The following FAM83H variants were observed in gnomAD, a reference collection of about 807,000 sequenced individuals.
The protein encoded by FAM83H is scaffolding CK1 anchoring protein H.
FAM83H carries 24 observed loss-of-function variants against 30.2 expected under a neutral mutation model. The ratio of observed to expected loss-of-function variants is 0.79; its 90% CI spans 0.57 to 1.12. FAM83H has a LOEUF of 1.12. FAM83H is among the 50% of genes most tolerant of loss of function. The pLI, the probability that FAM83H is intolerant of heterozygous loss-of-function variation, is 0.00. For missense variants in FAM83H, 2,038 were observed against 1,773.9 expected (o/e 1.15, Z -2.67); for synonymous variants, 1,013 against 821.7 (o/e 1.23, Z -3.98).
rs782092983 is a variant in FAM83H, at chr8:143,730,132, G to C, written c.447+4C>G. ...CCACTACCCTCAAGCCCAAGATGGC[G>C]CACCTGCTGGGCGGAACGGATCATC... On this transcript the variant is annotated splice_donor_region_variant and intron_variant, in intron 2 of 4. Coordinates refer to ENST00000388913, the MANE Select transcript of FAM83H (RefSeq NM_198488.5). 1 of 1,547,552 alleles carries C rather than the reference G, an allele frequency of 6.5e-7. No homozygotes were observed. The highest frequency in any genetic ancestry group is 1.9e-5 in the Admixed American group (1 of 53,572).
At position 143,726,324 on chromosome 8, in the gene FAM83H, T is replaced by C. The variant is rs1554621708; in HGVS notation, c.3137A>G (p.Gln1046Arg). 4.3e-6 allele frequency: 7 copies of C among 1,612,270 alleles called. No homozygotes were observed. Among genetic ancestry groups the C allele is most frequent in the Non-Finnish European group, 5.1e-6 (6 of 1,179,750 alleles). ...LRDDTKAILE[Q>R]ISAHGQKHRA... ...GTGCTTCTGGCCGTGGGCACTGATC[T>C]GCTCCAGAATGGCCTTCGTGTCATC... is the stretch of plus-strand genomic sequence containing the variant. Residue 1046 changes from glutamine to arginine, a missense_variant, in exon 5 of 5, where the codon CAG becomes CGG. Physicochemically the swap from Gln to Arg is conservative, Grantham distance 43. Coordinates refer to ENST00000388913, the MANE Select transcript of FAM83H (RefSeq NM_198488.5).
chr8:143,726,070 G>C lies in FAM83H; in HGVS notation c.3391C>G (p.Arg1131Gly). The C allele has an allele frequency of 1.2e-6, 2 of 1,612,016 alleles. No individual in the cohort carries two copies. Among genetic ancestry groups the C allele is most frequent in the Non-Finnish European group, 1.7e-6 (2 of 1,179,664 alleles). ...AAGACCTCGAAGCGGCTGTACACGC[G>C]CTTCTCCTTGCGCATGCTCTCCATG... The part of the protein sequence containing the change: ...RRMESMRKEK[R>G]VYSRFEVFCK... Residue 1131 changes from arginine (R) to glycine (G), a missense_variant, in exon 5 of 5, where the codon CGC becomes GGC. Coordinates refer to ENST00000388913, the MANE Select transcript of FAM83H (RefSeq NM_198488.5).
Position 143,725,156 on chromosome 8 carries a change from C to CGGGGGGGGGGGGGGGGG in FAM83H, c.*748_*764dup, listed in dbSNP as rs549881150. On this transcript the variant is annotated 3_prime_UTR_variant, in exon 5 of 5. Transcript: ENST00000388913. ...AAGCCCAGGCGGGGGAGGGGGGAGA[C>CGGGGGGGGGGGGGGGGG]GGGGGGGGGGGGGGGGGAGGGAAGG... 6 of 37,566 alleles carry CGGGGGGGGGGGGGGGGG rather than the reference C, an allele frequency of 1.6e-4. 2 individuals are homozygous for CGGGGGGGGGGGGGGGGG. Among genetic ancestry groups the CGGGGGGGGGGGGGGGGG allele is most frequent in the Admixed American group, 2.4e-4 (1 of 4,224 alleles). 2.3% of individuals were successfully genotyped at this position (37,566 alleles called of 1,614,324 possible). A position where few individuals can be genotyped will look rare whatever the true frequency, so the allele number is the denominator to read the frequency against.
Position 143,726,141 on chromosome 8 carries a change from C to A in FAM83H, c.3320G>T (p.Arg1107Leu). 1 of 1,611,292 alleles carries A rather than the reference C, an allele frequency of 6.2e-7. No individual in the cohort carries two copies. Among genetic ancestry groups the A allele is most frequent in the Non-Finnish European group, 8.5e-7 (1 of 1,179,280 alleles). ...DSLGTQGRLS[R>L]TLPASAEERD... ...CTCCTCCGCGCTGGCTGGCAGCGTG[C>A]GGCTCAGCCGGCCCTGGGTCCCCAA... Residue 1107 changes from arginine to leucine, a missense_variant, in exon 5 of 5, where the codon CGC becomes CTC. Transcript: ENST00000388913.
chr8:143,730,631 G>A (rs1554624284), intron 1 of FAM83H, 34 bp from the exon 2 acceptor site: 2 of 1,417,832 alleles, frequency 1.4e-6, no homozygotes, highest in African/African-American at 2.9e-5. Context: ...ACTAGGGGTG[G>A]GGGCACTGGG....
In FAM83H at chr8:143,728,451, C is replaced by A. The variant is rs1554623400; in HGVS notation, c.1010G>T (p.Gly337Val). 3.9e-6 allele frequency: 6 copies of A among 1,551,246 alleles called. No homozygotes were observed. In the East Asian group the frequency reaches 1.2e-4, roughly 31 times the overall value. Residue 337 changes from glycine to valine, a missense_variant, in exon 5 of 5, where the codon GGC becomes GTC. By Grantham distance (109) the Gly-to-Val change is moderately radical (BLOSUM62 -3). Coordinates refer to ENST00000388913, the MANE Select transcript of FAM83H (RefSeq NM_198488.5). ...HLLFPPPREEGLGFPSFLDPD... is the reference protein window; with the variant it reads ...HLLFPPPREEVLGFPSFLDPD... ...GTCGAGGAAGGAGGGGAAGCCCAGG[C>A]CCTCTTCCCGGGGTGGCGGGAACAG...
chr8:143,730,772 G>A (rs1422622330), intron 1 of FAM83H, among the ~76,000 whole-genome samples, 175 bp from the exon 2 acceptor site: 1 of 152,166 alleles, frequency 6.6e-6, no homozygotes, highest in Non-Finnish European at 1.5e-5. Flanking sequence ...GAGCAACCCA[G>A]ACCCTAGGAT....
In FAM83H at chr8:143,726,253, C is replaced by G; in HGVS notation, c.3208G>C (p.Glu1070Gln). The change falls in exon 5 of 5, where the codon GAG becomes CAG. Residue 1070 changes from glutamate to glutamine, a missense_variant. Glu to Gln is a conservative substitution (Grantham distance 29, BLOSUM62 2). Coordinates refer to ENST00000388913, the MANE Select transcript of FAM83H (RefSeq NM_198488.5). ...PSPGPTHNSP[E>Q]LGRPPAAGVL... ...CCAGCAGCCGGTGGACGGCCTAGCT[C>G]GGGGCTGTTGTGGGTCGGGCCGGGG... The G allele has an allele frequency of 6.2e-7, 1 of 1,612,252 alleles. No individual in the cohort carries two copies.
intron 1 of FAM83H, chr8:143,731,457 G>T (rs1818518992): frequency 1.0e-6 from 1 of 985,234 alleles, no homozygotes; most frequent in Non-Finnish European, 1.2e-6. Context: ...CATAGTCCCG[G>T]GCCACACCTC....
At chr8:143,729,458 T>C in intron 2 of FAM83H, 135 bp from the exon 3 acceptor site, 1 of 969,982 alleles carries the variant, frequency 1.0e-6, no homozygotes, top group Non-Finnish European at 1.6e-6. Flanking sequence ...CCTAGGGAGT[T>C]GGCGCCACAT....
rs1554621939 is a variant in FAM83H, at chr8:143,726,612, G to C, written c.2849C>G (p.Pro950Arg). 1 of 1,600,522 alleles carries C rather than the reference G, an allele frequency of 6.2e-7. No individual in the cohort carries two copies. The highest frequency in any genetic ancestry group is 1.1e-5 in the South Asian group (1 of 90,722). Residue 950 changes from proline to arginine, a missense_variant, in exon 5 of 5, where the codon CCC (proline) becomes CGC (arginine). Pro to Arg is a moderately radical substitution (Grantham distance 103). Coordinates refer to ENST00000388913, the MANE Select transcript of FAM83H (RefSeq NM_198488.5). ...GGGGCCGCTCGGCCCCTCCTCCGCG[G>C]GCCCGGCCTTCGGGGACTCCCCGGA... ...TISGESPKAGPAEEGPSGPME... is the reference protein window; with the variant it reads ...TISGESPKAGRAEEGPSGPME...
At position 143,726,370 on chromosome 8, in the gene FAM83H, A is replaced by G. The variant is rs1818292417; in HGVS notation, c.3091T>C (p.Leu1031=). 5.6e-6 allele frequency: 9 copies of G among 1,611,166 alleles called. No individual in the cohort carries two copies. The highest frequency in any genetic ancestry group is 6.8e-6 in the Non-Finnish European group (8 of 1,179,554). ...ARLSSATANA[L]YSSNLRDDTK... is the part of the protein sequence containing the mutation. The stretch of plus-strand genomic sequence containing the variant: ...TCATCCCGAAGGTTGCTGCTGTACA[A>G]GGCGTTGGCCGTGGCTGAGGACAGG... Residue 1031 remains leucine, a synonymous_variant, in exon 5 of 5, where the codon TTG becomes CTG. Coordinates refer to ENST00000388913, the MANE Select transcript of FAM83H (RefSeq NM_198488.5).
In FAM83H at chr8:143,724,153, A is replaced by G. The variant is rs1271848402; in HGVS notation, c.*1768T>C. ...TCATGGCCAAGAGACGCACAGGCGC[A>G]TCCCGCTTCCAGGCACCTTTCCCAC... On this transcript the variant is annotated 3_prime_UTR_variant, in exon 5 of 5. Transcript: ENST00000388913. 8 of 152,256 alleles carry G rather than the reference A, an allele frequency of 5.3e-5. No individual in the cohort carries two copies. Among genetic ancestry groups the G allele is most frequent in the African/African-American group, 1.9e-4 (8 of 41,446 alleles). The allele number at this position is 152,256 out of a possible 1,614,324, so 9.4% of individuals were successfully genotyped here.
chr8:143,727,661 T>C lies in FAM83H; in HGVS notation c.1800A>G (p.Leu600=), dbSNP rs1554622777. The C allele has an allele frequency of 1.9e-6, 3 of 1,572,550 alleles. No individual in the cohort carries two copies. The highest frequency in any genetic ancestry group is 1.1e-5 in the South Asian group (1 of 87,542). The change falls in exon 5 of 5, where the codon CTA becomes CTG. Residue 600 remains leucine, a synonymous_variant. Transcript: ENST00000388913. ...CHGEDGGDDG[L]PAPMEAEAYE... is the part of the protein sequence containing the mutation. Reference sequence around the variant, plus strand: ...AAGCCTCCGCTTCCATGGGCGCCGGTAGGCCGTCGTCGCCCCCATCCTCGC... The same window carrying C: ...AAGCCTCCGCTTCCATGGGCGCCGGCAGGCCGTCGTCGCCCCCATCCTCGC...
At position 143,727,008 on chromosome 8, in the gene FAM83H, TGCGCCGCGGTGA is replaced by T. The variant is rs782126115; in HGVS notation, c.2441_2452del (p.Leu814_Ala817del). 7.6e-6 allele frequency: 12 copies of T among 1,578,108 alleles called. No homozygotes were observed. In the South Asian group the frequency reaches 1.4e-4, roughly 18 times the overall value. On this transcript the variant is annotated inframe_deletion, in exon 5 of 5. Transcript: ENST00000388913. ...GCTCCGGCCCAGTGTGTCGAGCAGC[TGCGCCGCGGTGA>T]GCGACGCGGCTCCCGGCTGCCGCTC...
rs1213752752 is a variant in FAM83H, at chr8:143,726,977, G to A, written c.2484C>T (p.Ser828=). The change falls in exon 5 of 5, where the codon TCC becomes TCT. Residue 828 remains serine, a synonymous_variant. Coordinates refer to ENST00000388913, the MANE Select transcript of FAM83H (RefSeq NM_198488.5). Reference sequence around the variant, plus strand: ...AGAGGAAGCGGGAAGGCAGGCGGTCGGAGCCGCTCCGGCCCAGTGTGTCGA... The same window carrying A: ...AGAGGAAGCGGGAAGGCAGGCGGTCAGAGCCGCTCCGGCCCAGTGTGTCGA... ...QLLDTLGRSG[S]DRLPSRFLSA... The A allele has an allele frequency of 9.4e-6, 15 of 1,601,792 alleles. No homozygotes were observed. Among genetic ancestry groups the A allele is most frequent in the South Asian group, 2.2e-5 (2 of 90,036 alleles).
chr8:143,731,468 C>T, intron 1 of FAM83H: 1 of 985,468 alleles, frequency 1.0e-6, no homozygotes. Flanking sequence ...GCCACACCTC[C>T]TCCCCATCCT....
At chr8:143,731,949 C>T (rs1818537227) in intron 1 of FAM83H, 2 of 985,342 alleles carry the variant, frequency 2.0e-6, no homozygotes, top group Non-Finnish European at 2.4e-6. Flanking sequence ...CTAGGGACTG[C>T]TCAGTCCATC....
chr8:143,729,340 G>A lies in FAM83H; in HGVS notation c.448-17C>T, dbSNP rs369702215. 4.3e-5 allele frequency: 70 copies of A among 1,612,238 alleles called. No individual in the cohort carries two copies. The highest frequency in any genetic ancestry group is 5.6e-5 in the Non-Finnish European group (66 of 1,179,892). The stretch of plus-strand genomic sequence containing the variant: ...GGCCACCACCTGCAGGGGCGGGTCA[G>A]GACGGAGAGGAGAGGCCCCTGCTGT... On this transcript the variant is annotated splice_polypyrimidine_tract_variant and intron_variant, in intron 2 of 4. Transcript: ENST00000388913.
Sources: allele counts gnomAD v4.1 joint callset (sites outside exome capture counted in the v4.1 genomes callset), GRCh38; gene constraint gnomAD v4.1.1; transcripts MANE v1.5; gene names NCBI Gene and HGNC (gene_info 2026-07-23, HGNC 2026-07-21).